The following ACVR2A variants were observed in gnomAD, a reference collection of about 807,000 sequenced individuals.
ACVR2A encodes the protein activin receptor type-2A.
A neutral mutation model predicts 61.4 loss-of-function variants in ACVR2A; 7 were observed. The observed-to-expected ratio is 0.11, with a 90% CI of 0.06 to 0.21. The LOEUF is 0.21. Ranked by LOEUF, ACVR2A falls within the 10% of genes least tolerant of loss-of-function variation. The pLI, the probability that ACVR2A is intolerant of heterozygous loss-of-function variation, is 1.00. For missense variants in ACVR2A, 322 were observed against 621.7 expected (o/e 0.52, Z 5.13); for synonymous variants, 193 against 208.3 (o/e 0.93, Z 0.63).
chr2:147,868,028 A>G (rs937623107), intron 1 of ACVR2A, among the ~76,000 whole-genome samples: 1 of 152,060 alleles, frequency 6.6e-6, no homozygotes, highest in Middle Eastern at 3.2e-3. Context: ...TGATTGTTAC[A>G]CTTTCTACAT....
chr2:147,921,772 C>T (rs1191103667), intron 8 of ACVR2A, among the ~76,000 whole-genome samples: 2 of 152,044 alleles, frequency 1.3e-5, no homozygotes, highest in Non-Finnish European at 2.9e-5. Flanking sequence ...ATAAGCCCTC[C>T]CTCATTTTTT....
chr2:147,861,328 T>C (rs1019715184), intron 1 of ACVR2A, among the ~76,000 whole-genome samples: 5 of 152,210 alleles, frequency 3.3e-5, no homozygotes, highest in African/African-American at 1.2e-4. Flanking sequence ...GTAGTGTTTA[T>C]TTATAATATT....
chr2:147,859,475 A>G (rs1286244088), intron 1 of ACVR2A, among the ~76,000 whole-genome samples: 2 of 150,932 alleles, frequency 1.3e-5, no homozygotes, highest in Admixed American at 6.6e-5. Context: ...ATCAGTGTAG[A>G]GGGTCACCAC....
intron 1 of ACVR2A, among the ~76,000 whole-genome samples, chr2:147,861,538 A>G (rs1344177940): frequency 5.3e-5 from 8 of 152,190 alleles, no homozygotes; most frequent in Non-Finnish European, 1.2e-4. Flanking sequence ...AAAATTTGAA[A>G]TTCTTCAAAA....
chr2:147,850,430 T>C (rs1292378021), intron 1 of ACVR2A, among the ~76,000 whole-genome samples: 1 of 152,194 alleles, frequency 6.6e-6, no homozygotes, highest in Non-Finnish European at 1.5e-5. Flanking sequence ...GCTTGAACTT[T>C]AGATTGCTCT....
intron 9 of ACVR2A, 61 bp downstream of exon 9, chr2:147,923,172 G>T: frequency 6.6e-7 from 1 of 1,512,684 alleles, no homozygotes; most frequent in Non-Finnish European, 8.9e-7. Flanking sequence ...TATGAAAAGG[G>T]ATGATACACT....
At chr2:147,844,973 T>TTG, upstream of ACVR2A, 2 of 432,674 alleles carry the variant, frequency 4.6e-6, no homozygotes, top group Non-Finnish European at 3.8e-6. Context: ...GCTCTTTTTT[T>TTG]TCTTTTTTTT....
At chr2:147,906,661 T>C (rs533184554) in intron 4 of ACVR2A, among the ~76,000 whole-genome samples, 2 of 152,288 alleles carry the variant, frequency 1.3e-5, no homozygotes, top group South Asian at 4.1e-4. Flanking sequence ...TCATTTTTAC[T>C]GAAATTATTG....
At chr2:147,912,169 C>T (rs1244256787) in intron 4 of ACVR2A, among the ~76,000 whole-genome samples, 1 of 151,906 alleles carries the variant, frequency 6.6e-6, no homozygotes, top group African/African-American at 2.4e-5. Flanking sequence ...ATTTATTCCA[C>T]TGTTGGTTAT....
At chr2:147,857,799 TACTC>T (rs955206162) in intron 1 of ACVR2A, among the ~76,000 whole-genome samples, 8 of 152,048 alleles carry the variant, frequency 5.3e-5, no homozygotes, top group Non-Finnish European at 1.2e-4. Flanking sequence ...AGCCCAAGCA[TACTC>T]ACATAAACAT....
intron 1 of ACVR2A, among the ~76,000 whole-genome samples, chr2:147,848,283 C>T (rs537952109): frequency 6.6e-6 from 1 of 152,044 alleles, no homozygotes; most frequent in East Asian, 1.9e-4. Context: ...CAAAATTCTC[C>T]CTCCATTCAT....
At chr2:147,869,390 A>G (rs1220947057) in intron 1 of ACVR2A, among the ~76,000 whole-genome samples, 1 of 152,180 alleles carries the variant, frequency 6.6e-6, no homozygotes. Context: ...CCAATAATCT[A>G]GTTTATGATT....
chr2:147,855,079 C>G (rs1157652942), intron 1 of ACVR2A, among the ~76,000 whole-genome samples: 1 of 152,100 alleles, frequency 6.6e-6, no homozygotes, highest in Non-Finnish European at 1.5e-5. Flanking sequence ...GGGGGTTTAA[C>G]CATGTTGGGC....
At position 147,896,318 on chromosome 2, in the gene ACVR2A, T is replaced by G; in HGVS notation, c.73T>G (p.Ser25Ala). The G allele has an allele frequency of 6.2e-7, 1 of 1,613,580 alleles. No individual in the cohort carries two copies. The highest frequency in any genetic ancestry group is 1.3e-5 in the African/African-American group (1 of 75,002). ...SCSSGAILGRSETQECLFFNA... is the reference protein window; with the variant it reads ...SCSSGAILGRAETQECLFFNA... ...TCTTATAGGTGCTATACTTGGTAGA[T>G]CAGAAACTCAGGAGTGTCTTTTCTT... Residue 25 changes from serine (S) to alanine (A), a missense_variant, in exon 2 of 11, where the codon TCA becomes GCA. Physicochemically the swap from Ser to Ala is moderately conservative, Grantham distance 99. Coordinates refer to ENST00000241416, the MANE Select transcript of ACVR2A (RefSeq NM_001616.5).
At chr2:147,882,262 T>G (rs1157253402) in intron 1 of ACVR2A, among the ~76,000 whole-genome samples, 1 of 152,106 alleles carries the variant, frequency 6.6e-6, no homozygotes, top group Non-Finnish European at 1.5e-5. Flanking sequence ...TAGAAGACCT[T>G]AAATAACGCT....
chr2:147,889,003 T>C (rs1449712645), intron 1 of ACVR2A, among the ~76,000 whole-genome samples: 1 of 151,040 alleles, frequency 6.6e-6, no homozygotes, highest in Non-Finnish European at 1.5e-5. Flanking sequence ...TACTGATAGT[T>C]TTTTTTTTAT....
rs1553447553 is a variant in ACVR2A at position 147,928,575 on chromosome 2, A to ATAAC, written c.*1303_*1306dup. On this transcript the variant is annotated 3_prime_UTR_variant, in exon 11 of 11. Transcript: ENST00000241416. ...AAATCAGGGATAACAAATTAAACGTATAACTTAAAATATGCAATGACATTT... is the reference window on the plus strand; with the variant it reads ...AAATCAGGGATAACAAATTAAACGTATAACTAACTTAAAATATGCAATGACATTT... 1.3e-5 allele frequency: 2 copies of ATAAC among 152,342 alleles called. No homozygotes were observed. The highest frequency in any genetic ancestry group is 2.4e-5 in the African/African-American group (1 of 41,410). The allele number at this position is 152,342 out of a possible 1,614,324, so 9.4% of individuals were successfully genotyped here. A position where few individuals can be genotyped will look rare whatever the true frequency, so the allele number is the denominator to read the frequency against.
chr2:147,883,710 A>G (rs536452037), intron 1 of ACVR2A, among the ~76,000 whole-genome samples: 69 of 152,302 alleles, frequency 4.5e-4, no homozygotes, highest in Admixed American at 4.1e-3. Flanking sequence ...CTGTATTTAA[A>G]GCTACTCTAA....
intron 1 of ACVR2A, among the ~76,000 whole-genome samples, chr2:147,891,826 T>G (rs1686590119): frequency 6.6e-6 from 1 of 152,204 alleles, no homozygotes; most frequent in Non-Finnish European, 1.5e-5. Context: ...AGTGGGGGCA[T>G]TGAATATTGC....
Sources: gnomAD v4.1 joint callset for allele counts (sites outside exome capture counted in the v4.1 genomes callset) on GRCh38, gnomAD v4.1.1 for gene constraint, MANE v1.5 for transcripts, NCBI Gene and HGNC (gene_info 2026-07-23, HGNC 2026-07-21) for gene names.